SNX9: variants seen among roughly 807,000 people sequenced by gnomAD.
SNX9 encodes sorting nexin 9, also known as sorting nexin-9.
In SNX9, 44 loss-of-function variants were observed where a neutral mutation model predicts 89.4. That is an observed-to-expected ratio of 0.49 (90% CI 0.39 to 0.63). SNX9 has a LOEUF of 0.63. Among genes scored for constraint, SNX9 ranks in the 30% least tolerant of loss-of-function variants. The pLI is 0.00. For missense variants in SNX9, 578 were observed against 736.1 expected (o/e 0.79, Z 2.49); for synonymous variants, 236 against 247.8 (o/e 0.95, Z 0.45).
intron 1 of SNX9, among the ~76,000 whole-genome samples, chr6:157,842,066 CA>C (rs1781714283): frequency 6.6e-6 from 1 of 151,958 alleles, no homozygotes; most frequent in Non-Finnish European, 1.5e-5. Flanking sequence ...TATATATCTC[CA>C]AAACTGTAGA....
chr6:157,910,556 T>C (rs1316654027), intron 9 of SNX9, among the ~76,000 whole-genome samples: 1 of 152,110 alleles, frequency 6.6e-6, no homozygotes, highest in Non-Finnish European at 1.5e-5. Flanking sequence ...CCTTTTCTTG[T>C]TTTTTAAAAG....
At chr6:157,907,368 G>A (rs1429876394) in intron 7 of SNX9, among the ~76,000 whole-genome samples, 1 of 152,060 alleles carries the variant, frequency 6.6e-6, no homozygotes, top group East Asian at 1.9e-4. Flanking sequence ...TGCAACCTCT[G>A]CCTCCCGGGT....
chr6:157,874,621 C>G (rs1473269287), intron 3 of SNX9: 2 of 155,930 alleles, frequency 1.3e-5, no homozygotes, highest in Non-Finnish European at 2.8e-5. Flanking sequence ...ACCACAGCAG[C>G]ATACACATTC....
chr6:157,870,359 C>A (rs1782374056), intron 2 of SNX9, among the ~76,000 whole-genome samples: 1 of 151,870 alleles, frequency 6.6e-6, no homozygotes, highest in Non-Finnish European at 1.5e-5. Flanking sequence ...TGCTCTCACA[C>A]ATGCAGCACT....
In SNX9 at chr6:157,890,983, A is replaced by G. The variant is rs962957239; in HGVS notation, c.301-5844A>G. ...TCAGAACTCAGACACTGTTATTTTA[A>G]GGGTACTCATAGTGTCACATGCTAA... On this transcript the variant is annotated intron_variant, in intron 4 of 17. Transcript: ENST00000392185. Among the ~76,000 whole-genome samples the G allele has an allele frequency of 2.0e-5, 3 of 150,334 alleles. No homozygotes were observed. In the East Asian group the frequency reaches 5.9e-4, roughly 29 times the overall value.
chr6:157,875,218 G>A, intron 4 of SNX9, 42 bp downstream of exon 4: 3 of 1,584,256 alleles, frequency 1.9e-6, no homozygotes, highest in Non-Finnish European at 2.6e-6. Flanking sequence ...TGGCTTTACG[G>A]AAAACAGAGC....
At position 157,928,580 on chromosome 6, in the gene SNX9, C is replaced by T. The variant is rs1241894004; in HGVS notation, c.1185-19C>T. Reference sequence around the variant, plus strand: ...CTGTTTCTCCTGCTTATGTGACTGACGGCCGCCTTCACCCACAGAGAGCAG... The same window carrying T: ...CTGTTTCTCCTGCTTATGTGACTGATGGCCGCCTTCACCCACAGAGAGCAG... On this transcript the variant is annotated intron_variant, in intron 11 of 17. Coordinates refer to ENST00000392185, the MANE Select transcript of SNX9 (RefSeq NM_016224.5). 8.2e-6 allele frequency: 13 copies of T among 1,582,278 alleles called. No homozygotes were observed. The highest frequency in any genetic ancestry group is 1.7e-4 in the Middle Eastern group (1 of 6,044).
chr6:157,891,379 C>T (rs924863038), intron 4 of SNX9, among the ~76,000 whole-genome samples: 3 of 152,060 alleles, frequency 2.0e-5, no homozygotes, highest in Admixed American at 6.6e-5. Flanking sequence ...ATTCTGTGAT[C>T]GACCACAACA....
chr6:157,861,618 G>T (rs1782123589), intron 1 of SNX9, among the ~76,000 whole-genome samples: 1 of 152,180 alleles, frequency 6.6e-6, no homozygotes, highest in African/African-American at 2.4e-5. Flanking sequence ...TAAGCGCAAG[G>T]TTGAGCAAAA....
chr6:157,925,897 C>G (rs564291249), intron 10 of SNX9, among the ~76,000 whole-genome samples: 4 of 150,890 alleles, frequency 2.7e-5, no homozygotes, highest in Non-Finnish European at 5.9e-5. Context: ...AGTCGAAGAT[C>G]AAGGCACCAG....
chr6:157,841,293 G>T (rs969022133), intron 1 of SNX9, among the ~76,000 whole-genome samples: 31 of 152,078 alleles, frequency 2.0e-4, no homozygotes, highest in African/African-American at 7.0e-4. Flanking sequence ...TTTAATTTAG[G>T]GTCTTCAAGA....
At chr6:157,895,553 TG>T (rs1782960729) in intron 4 of SNX9, among the ~76,000 whole-genome samples, 1 of 152,126 alleles carries the variant, frequency 6.6e-6, no homozygotes, top group African/African-American at 2.4e-5. Flanking sequence ...TGGAATTTTA[TG>T]GAGACAATGT....
chr6:157,916,000 T>C (rs1403411386), intron 9 of SNX9, among the ~76,000 whole-genome samples: 1 of 151,602 alleles, frequency 6.6e-6, no homozygotes, highest in Non-Finnish European at 1.5e-5. Flanking sequence ...CAGGAGCTTT[T>C]TTGTGGGTAT....
At chr6:157,885,914 A>G (rs1247700870) in intron 4 of SNX9, among the ~76,000 whole-genome samples, 3 of 152,240 alleles carry the variant, frequency 2.0e-5, no homozygotes, top group African/African-American at 7.2e-5. Context: ...GAGCTTTCAT[A>G]GACCCTTTGT....
At chr6:157,846,073 G>T (rs12206436) in intron 1 of SNX9, among the ~76,000 whole-genome samples, 1 of 152,126 alleles carries the variant, frequency 6.6e-6, no homozygotes, top group African/African-American at 2.4e-5. Flanking sequence ...TGTCTCTTAC[G>T]GCCCTCCTGA....
At chr6:157,897,447 CTCTTTT>C (rs1783004181) in intron 5 of SNX9, among the ~76,000 whole-genome samples, 1 of 152,182 alleles carries the variant, frequency 6.6e-6, no homozygotes. Context: ...ACCCCAGAAT[CTCTTTT>C]CCTGTAGCTC....
intron 3 of SNX9, 128 bp from the exon 4 acceptor site, chr6:157,874,923 C>A (rs1782486753): frequency 3.0e-6 from 3 of 987,706 alleles, no homozygotes; most frequent in South Asian, 4.4e-5. Flanking sequence ...GCGGCAAAAG[C>A]AGTGCTTACA....
intron 5 of SNX9, among the ~76,000 whole-genome samples, chr6:157,898,831 G>A (rs557908365): frequency 2.6e-5 from 4 of 152,292 alleles, no homozygotes; most frequent in South Asian, 2.1e-4. Flanking sequence ...TGCAGGTCCC[G>A]GCTGAAGGCT....
chr6:157,828,297 C>A (rs934387215), intron 1 of SNX9, among the ~76,000 whole-genome samples: 5 of 150,108 alleles, frequency 3.3e-5, no homozygotes, highest in Non-Finnish European at 7.4e-5. Context: ...GATTAGAAAG[C>A]ATAAAAATGT....
Sources: allele counts gnomAD v4.1 joint callset (sites outside exome capture counted in the v4.1 genomes callset), GRCh38; gene constraint gnomAD v4.1.1; transcripts MANE v1.5; gene names NCBI Gene and HGNC (gene_info 2026-07-23, HGNC 2026-07-21).